The following TRIM11 variants were observed in gnomAD, a reference collection of about 807,000 sequenced individuals.
The protein encoded by TRIM11 is E3 ubiquitin-protein ligase TRIM11.
Under a neutral mutation model 33.4 loss-of-function variants are expected in TRIM11, and 15 were observed. The ratio of observed to expected loss-of-function variants is 0.45; its 90% confidence interval spans 0.30 to 0.69. The LOEUF (loss-of-function observed/expected upper bound fraction) is 0.69. Among genes scored for constraint, TRIM11 ranks in the 30% least tolerant of loss-of-function variants. The pLI is 0.08. For synonymous variants in TRIM11, 281 were observed against 302.6 expected (o/e 0.93, Z 0.74); for missense variants, 499 against 667.6 (o/e 0.75, Z 2.78).
At position 228,395,086 on chromosome 1, in the gene TRIM11, G is replaced by A. The variant is rs746368861; in HGVS notation, c.1026C>T (p.His342=). The part of the protein sequence containing the change: ...LGQERFTSGR[H]YWEVEVGDRT... ...GGTCCCCAACCTCCACCTCCCAGTAGTGGCGGCCTGAGGTGAAGCGCTCCT... is the reference window on the plus strand; with the variant it reads ...GGTCCCCAACCTCCACCTCCCAGTAATGGCGGCCTGAGGTGAAGCGCTCCT... Residue 342 remains histidine (H), a synonymous_variant, in exon 6 of 6, where the codon CAC becomes CAT. Coordinates refer to ENST00000284551, the MANE Select transcript of TRIM11 (RefSeq NM_145214.3). This position sits in a 1 kb window ranked among gnomAD's most constrained non-coding sequence, Gnocchi z 4.8. 6.2e-7 allele frequency: 1 copy of A among 1,605,848 alleles called. No homozygotes were observed.
intron 1 of TRIM11, chr1:228,404,762 C>G (rs966860737): frequency 2.0e-5 from 3 of 152,254 alleles, no homozygotes; most frequent in African/African-American, 7.2e-5. Flanking sequence ...TTCCTAGTCA[C>G]TTTCCCACAA....
chr1:228,398,223 GGTCA>G (rs1424989233), intron 3 of TRIM11, among the ~76,000 whole-genome samples: 1 of 152,144 alleles, frequency 6.6e-6, no homozygotes, highest in Non-Finnish European at 1.5e-5. Context: ...AGGATGCAGA[GGTCA>G]GTAAGACATA....
At chr1:228,397,330 G>C in intron 3 of TRIM11, 165 bp from the exon 4 acceptor site, 1 of 736,952 alleles carries the variant, frequency 1.4e-6, no homozygotes. Flanking sequence ...GCAAGGCTCA[G>C]ACACAGGAAT....
At position 228,403,303 on chromosome 1, in the gene TRIM11, G is replaced by A. The variant is rs1422910073; in HGVS notation, c.409-1142C>T. On this transcript the variant is annotated intron_variant, in intron 1 of 5. Coordinates refer to ENST00000284551, the MANE Select transcript of TRIM11 (RefSeq NM_145214.3). The surrounding 1 kb of genome is among the most constrained non-coding windows in gnomAD (Gnocchi z 4.8). ...ATCTCTCGCTATCCACGCTCTGGAAGGATGGAGGTGCTGGGAGGGTCCAGA... is the reference window on the plus strand; with the variant it reads ...ATCTCTCGCTATCCACGCTCTGGAAAGATGGAGGTGCTGGGAGGGTCCAGA... 6.6e-6 allele frequency: 1 copy of A among 152,338 alleles called. No homozygotes were observed. Among genetic ancestry groups the A allele is most frequent in the Non-Finnish European group, 1.5e-5 (1 of 68,148 alleles). The allele number at this position is 152,338 out of a possible 1,614,324, so 9.4% of individuals were successfully genotyped here.
At chr1:228,405,829 C>A in intron 1 of TRIM11, 1 of 299,932 alleles carries the variant, frequency 3.3e-6, no homozygotes, top group Non-Finnish European at 6.1e-6. Context: ...TTTCCTTGCC[C>A]CCACTCCACC....
Position 228,394,363 on chromosome 1 carries a change from C to T in TRIM11, c.*342G>A, listed in dbSNP as rs1397363555. The T allele has an allele frequency of 1.6e-5, 5 of 313,484 alleles. No homozygotes were observed. Among genetic ancestry groups the T allele is most frequent in the Non-Finnish European group, 2.9e-5 (5 of 170,922 alleles). The allele number at this position is 313,484 out of a possible 1,614,324, so 19.4% of individuals were successfully genotyped here. A position where few individuals can be genotyped will look rare whatever the true frequency, so the allele number is the denominator to read the frequency against. ...CAGGAACTGTGCAGCTTAGGTGAAC[C>T]CTGGATTCTGCAAGCCCCAGTGGAG... On this transcript the variant is annotated 3_prime_UTR_variant, in exon 6 of 6. Transcript: ENST00000284551. The surrounding 1 kb of genome is among the most constrained non-coding windows in gnomAD (Gnocchi z 6.2).
At chr1:228,397,868 A>G (rs568973716) in intron 3 of TRIM11, among the ~76,000 whole-genome samples, 1 of 152,340 alleles carries the variant, frequency 6.6e-6, no homozygotes, top group African/African-American at 2.4e-5. Flanking sequence ...CGACTAGGAC[A>G]CAGACACCCA....
rs145758488 is a variant in TRIM11 at position 228,401,065 on chromosome 1, G to A, written c.634C>T (p.Arg212Trp). 1.1e-5 allele frequency: 18 copies of A among 1,612,720 alleles called. No homozygotes were observed. The highest frequency in any genetic ancestry group is 2.7e-5 in the African/African-American group (2 of 74,884). The part of the protein sequence containing the change: ...EEELEVLPRL[R>W]EGAAHLGQQS... The stretch of plus-strand genomic sequence containing the variant: ...TGGCCTAGGTGGGCTGCGCCCTCCC[G>A]CAGCCGGGGCAGCACCTCCAGCTCC... Residue 212 changes from arginine to tryptophan, a missense_variant, in exon 3 of 6, where the codon CGG (arginine) becomes TGG (tryptophan). By Grantham distance (101) the Arg-to-Trp change is moderately radical. Transcript: ENST00000284551. The surrounding 1 kb of genome is among the most constrained non-coding windows in gnomAD (Gnocchi z 6.1).
chr1:228,398,891 G>C (rs2075007441), intron 3 of TRIM11, among the ~76,000 whole-genome samples: 1 of 152,080 alleles, frequency 6.6e-6, no homozygotes, highest in Non-Finnish European at 1.5e-5. Context: ...GGGCTTGGGG[G>C]TAGAGGAGAA....
Position 228,406,672 on chromosome 1 carries a change from T to G in TRIM11, c.-111A>C. The G allele has an allele frequency of 1.8e-6, 2 of 1,101,486 alleles. No homozygotes were observed. Among genetic ancestry groups the G allele is most frequent in the African/African-American group, 3.3e-5 (2 of 60,182 alleles). 68.2% of individuals were successfully genotyped at this position (1,101,486 alleles called of 1,614,324 possible). On this transcript the variant is annotated 5_prime_UTR_variant, in exon 1 of 6. Transcript: ENST00000284551. The surrounding 1 kb of genome is among the most constrained non-coding windows in gnomAD (Gnocchi z 8.2). Reference sequence around the variant, plus strand: ...GGTGCGGCGGCGCAGGCTCGGGCACTCCGGGGCGCGAGGCTCGGGACTCCC... The same window carrying G: ...GGTGCGGCGGCGCAGGCTCGGGCACGCCGGGGCGCGAGGCTCGGGACTCCC...
chr1:228,395,613 G>A lies in TRIM11; in HGVS notation c.860-361C>T, dbSNP rs1219441752. The A allele has an allele frequency of 5.3e-6, 1 of 187,874 alleles. No individual in the cohort carries two copies. The highest frequency in any genetic ancestry group is 1.1e-5 in the Non-Finnish European group (1 of 92,490). The allele number at this position is 187,874 out of a possible 1,614,324, so 11.6% of individuals were successfully genotyped here. ...TGGCTCACTGCAGCCTTGATCTCCT[G>A]GGCTCAAATGATCCTCCCGCCTCAG... is the stretch of plus-strand genomic sequence containing the variant. On this transcript the variant is annotated intron_variant, in intron 5 of 5. Coordinates refer to ENST00000284551, the MANE Select transcript of TRIM11 (RefSeq NM_145214.3). The surrounding 1 kb of genome is among the most constrained non-coding windows in gnomAD (Gnocchi z 4.8).
chr1:228,406,492 TGAA>T lies in TRIM11; in HGVS notation c.67_69del (p.Phe23del), dbSNP rs1382874454. On this transcript the variant is annotated inframe_deletion, in exon 1 of 6. Transcript: ENST00000284551. The surrounding 1 kb of genome is among the most constrained non-coding windows in gnomAD (Gnocchi z 8.2). ...CCGCAGTCGGTCATCACCGGATCCG[TGAA>T]GTAGTCGAGGCAGATGGCGCAGGTG... 1 of 1,587,858 alleles carries T rather than the reference TGAA, an allele frequency of 6.3e-7. No homozygotes were observed. Among genetic ancestry groups the T allele is most frequent in the African/African-American group, 1.4e-5 (1 of 72,010 alleles).
chr1:228,401,991 G>GC lies in TRIM11; in HGVS notation c.504+74dup. The stretch of plus-strand genomic sequence containing the variant: ...AGGGCAAGTGTGCCTGGCCAGCATC[G>GC]CCCCCTGGGGTCTCCTATACAGGAC... On this transcript the variant is annotated intron_variant, in intron 2 of 5. Transcript: ENST00000284551. This position sits in a 1 kb window ranked among gnomAD's most constrained non-coding sequence, Gnocchi z 6.1. 8.1e-7 allele frequency: 1 copy of GC among 1,237,208 alleles called. No individual in the cohort carries two copies. Among genetic ancestry groups the GC allele is most frequent in the Non-Finnish European group, 1.1e-6 (1 of 890,190 alleles). 76.6% of individuals were successfully genotyped at this position (1,237,208 alleles called of 1,614,324 possible).
At chr1:228,402,748 C>A (rs1656278104) in intron 1 of TRIM11, 1 of 152,268 alleles carries the variant, frequency 6.6e-6, no homozygotes, top group Admixed American at 6.5e-5. Flanking sequence ...TATAAAGGAA[C>A]CCTCGCCCCT....
chr1:228,397,303 G>T (rs2074995431), intron 3 of TRIM11, 138 bp from the exon 4 acceptor site: 4 of 954,094 alleles, frequency 4.2e-6, no homozygotes, highest in South Asian at 1.6e-5. Context: ...CACACAGGGG[G>T]CCATAAACCA....
In TRIM11 at chr1:228,401,961, C is replaced by T. The variant is rs951253606; in HGVS notation, c.504+105G>A. On this transcript the variant is annotated intron_variant, in intron 2 of 5. Coordinates refer to ENST00000284551, the MANE Select transcript of TRIM11 (RefSeq NM_145214.3). This position sits in a 1 kb window ranked among gnomAD's most constrained non-coding sequence, Gnocchi z 6.1. The stretch of plus-strand genomic sequence containing the variant: ...GCTGAAGCAGTGACTGGTCCTGGGG[C>T]GCCAAGGGCAAGTGTGCCTGGCCAG... 54 of 830,254 alleles carry T rather than the reference C, an allele frequency of 6.5e-5. No homozygotes were observed. The highest frequency in any genetic ancestry group is 1.2e-4 in the African/African-American group (7 of 56,794). The allele number at this position is 830,254 out of a possible 1,614,324, so 51.4% of individuals were successfully genotyped here. A position where few individuals can be genotyped will look rare whatever the true frequency, so the allele number is the denominator to read the frequency against.
intron 1 of TRIM11, chr1:228,404,102 C>T (rs540423617): frequency 2.0e-5 from 3 of 152,382 alleles, no homozygotes; most frequent in East Asian, 1.9e-4. Flanking sequence ...AGAACAGAAA[C>T]CTCTTACCCT....
At chr1:228,399,764 G>A (rs191288735) in intron 3 of TRIM11, among the ~76,000 whole-genome samples, 3 of 151,978 alleles carry the variant, frequency 2.0e-5, no homozygotes, top group East Asian at 1.9e-4. Flanking sequence ...CGCGGCACAC[G>A]GAGTGGAGGA....
intron 3 of TRIM11, among the ~76,000 whole-genome samples, chr1:228,399,879 C>CAAAA (rs55896989): frequency 1.7e-5 from 2 of 115,964 alleles, no homozygotes; most frequent in African/African-American, 3.5e-5. Flanking sequence ...CTTAAATCTA[C>CAAAA]AAAAAAAAAA....
Sources: allele counts gnomAD v4.1 joint callset (sites outside exome capture counted in the v4.1 genomes callset), GRCh38; gene constraint gnomAD v4.1.1; non-coding constraint Gnocchi (gnomAD v3.1); transcripts MANE v1.5; gene names NCBI Gene and HGNC (gene_info 2026-07-23, HGNC 2026-07-21).